Variants in ZFAND3 observed in about 807,000 individuals in gnomAD.
The protein encoded by ZFAND3 is zinc finger AN1-type containing 3.
ZFAND3 carries 10 observed loss-of-function variants against 29.6 expected under a neutral mutation model. The observed-to-expected ratio is 0.34, with a 90% CI of 0.21 to 0.57. The LOEUF is 0.57. Among genes scored for constraint, ZFAND3 ranks in the 20% least tolerant of loss-of-function variants. The pLI is 0.86. For missense variants in ZFAND3, 230 were observed against 304.5 expected, an observed-to-expected ratio of 0.76 and a Z score of 1.82; for synonymous variants, 128 against 112.6, an observed-to-expected ratio of 1.14 and a Z score of -0.87.
At chr6:38,075,096 C>T (rs1381947372) in intron 3 of ZFAND3, among the ~76,000 whole-genome samples, 1 of 152,156 alleles carries the variant, frequency 6.6e-6, no homozygotes, top group Non-Finnish European at 1.5e-5. Flanking sequence ...GTTTCCATGC[C>T]TGGTAACACA....
Position 38,028,622 on chromosome 6 carries a change from TGACC to T in ZFAND3, c.113-32970_113-32967del, listed in dbSNP as rs1293906474. Among the ~76,000 whole-genome samples the T allele has an allele frequency of 7.9e-4, 120 of 152,350 alleles. 1 individual carries two copies. The East Asian group carries it at 0.018, about 23-fold the overall frequency. Reference sequence around the variant, plus strand: ...TGTCCCATTGCGACTAAAGTCTGCCTGACCTAGGGTACTATTGTAGTAAAGAATC... The same window carrying T: ...TGTCCCATTGCGACTAAAGTCTGCCTTAGGGTACTATTGTAGTAAAGAATC... On this transcript the variant is annotated intron_variant, in intron 2 of 5. Transcript: ENST00000287218.
rs115901391 is a variant in ZFAND3 at position 37,835,808 on chromosome 6, C to T, written c.71+15792C>T. Among the ~76,000 whole-genome samples the T allele has an allele frequency of 3.1e-3, 474 of 152,178 alleles. 2 individuals are homozygous for T. Among genetic ancestry groups the T allele is most frequent in the African/African-American group, 0.011 (444 of 41,502 alleles). On this transcript the variant is annotated intron_variant, in intron 1 of 5. Transcript: ENST00000287218. ...GAACCACCTCAGTTTTTTCAGTTAA[C>T]GTATCTTGGAATTCTTTCCAAATGA...
intron 3 of ZFAND3, among the ~76,000 whole-genome samples, chr6:38,064,745 C>T (rs1405185098): frequency 6.9e-6 from 1 of 145,576 alleles, no homozygotes; most frequent in East Asian, 2.0e-4. Context: ...CGTTTCCTTT[C>T]TCTCTCTTCT....
chr6:37,959,910 G>A (rs1476902014), intron 2 of ZFAND3, among the ~76,000 whole-genome samples: 1 of 152,178 alleles, frequency 6.6e-6, no homozygotes, highest in Non-Finnish European at 1.5e-5. Flanking sequence ...AGTTGTATTT[G>A]TTCAAAAGAT....
At chr6:37,950,734 G>T (rs1470161323) in intron 2 of ZFAND3, among the ~76,000 whole-genome samples, 2 of 152,116 alleles carry the variant, frequency 1.3e-5, no homozygotes, top group African/African-American at 2.4e-5. Context: ...TCTCTAACCT[G>T]TTCCGTTGGT....
intron 4 of ZFAND3, among the ~76,000 whole-genome samples, chr6:38,105,133 GC>G (rs1450049871): frequency 6.6e-6 from 1 of 152,158 alleles, no homozygotes; most frequent in African/African-American, 2.4e-5. Context: ...TTTAGAAGGT[GC>G]TGATAAAGAA....
chr6:38,070,617 A>C (rs993329461), intron 3 of ZFAND3, among the ~76,000 whole-genome samples: 2 of 151,920 alleles, frequency 1.3e-5, no homozygotes, highest in African/African-American at 2.4e-5. Context: ...TTAATATTTC[A>C]CTATTATGAG....
At position 38,152,999 on chromosome 6, in the gene ZFAND3, G is replaced by A; in HGVS notation, c.*610G>A. 2.0e-6 allele frequency: 2 copies of A among 985,836 alleles called. No individual in the cohort carries two copies. The highest frequency in any genetic ancestry group is 2.4e-6 in the Non-Finnish European group (2 of 829,952). The allele number at this position is 985,836 out of a possible 1,614,324, so 61.1% of individuals were successfully genotyped here. The stretch of plus-strand genomic sequence containing the variant: ...TTACGGAAATTTTTTTACCTGACTT[G>A]CTATGAAAAAACTCATCACACAAGA... On this transcript the variant is annotated 3_prime_UTR_variant, in exon 6 of 6. Transcript: ENST00000287218.
chr6:38,147,586 G>A (rs1459389084), intron 5 of ZFAND3, among the ~76,000 whole-genome samples: 1 of 152,162 alleles, frequency 6.6e-6, no homozygotes, highest in African/African-American at 2.4e-5. Flanking sequence ...GGCTTTCCTA[G>A]TTGACATTCC....
At chr6:37,874,587 A>C (rs1764759253) in intron 1 of ZFAND3, among the ~76,000 whole-genome samples, 1 of 152,070 alleles carries the variant, frequency 6.6e-6, no homozygotes, top group African/African-American at 2.4e-5. Flanking sequence ...GCCCACCCTA[A>C]TGATCTCATT....
chr6:37,884,145 T>C (rs1031335881), intron 1 of ZFAND3, among the ~76,000 whole-genome samples: 1 of 145,238 alleles, frequency 6.9e-6, no homozygotes, highest in Non-Finnish European at 1.5e-5. Context: ...TAATCAGGGC[T>C]TTACAAGTGA....
At chr6:37,920,308 ATTGT>A (rs1432284986) in intron 1 of ZFAND3, among the ~76,000 whole-genome samples, 3 of 147,748 alleles carry the variant, frequency 2.0e-5, no homozygotes, top group Admixed American at 6.7e-5. Flanking sequence ...AATTCACTTC[ATTGT>A]TTTTTTTTTT....
At chr6:37,923,900 A>G (rs1186951644) in intron 1 of ZFAND3, among the ~76,000 whole-genome samples, 2 of 152,240 alleles carry the variant, frequency 1.3e-5, no homozygotes, top group Non-Finnish European at 2.9e-5. Flanking sequence ...CTGTAAATAT[A>G]ATAAATTCTG....
intron 4 of ZFAND3, among the ~76,000 whole-genome samples, chr6:38,099,920 T>C (rs1765060269): frequency 6.6e-6 from 1 of 152,246 alleles, no homozygotes; most frequent in South Asian, 2.1e-4. Context: ...GGGAGAGAAC[T>C]CATGTAGTAC....
At chr6:37,923,078 G>A (rs2127409755) in intron 1 of ZFAND3, among the ~76,000 whole-genome samples, 1 of 152,120 alleles carries the variant, frequency 6.6e-6, no homozygotes, top group South Asian at 2.1e-4. Context: ...ACATTGTATA[G>A]TTACACAGAA....
intron 2 of ZFAND3, among the ~76,000 whole-genome samples, chr6:38,060,142 T>C (rs192486502): frequency 7.9e-5 from 12 of 152,250 alleles, no homozygotes; most frequent in African/African-American, 2.9e-4. Context: ...AGGACCAGTA[T>C]TTAATATACG....
At chr6:37,996,351 C>T (rs1359477978) in intron 2 of ZFAND3, among the ~76,000 whole-genome samples, 1 of 152,108 alleles carries the variant, frequency 6.6e-6, no homozygotes, top group African/African-American at 2.4e-5. Flanking sequence ...ATTTATCATA[C>T]ACTTGTTATG....
intron 2 of ZFAND3, among the ~76,000 whole-genome samples, chr6:38,046,073 C>G (rs1045366997): frequency 1.3e-5 from 2 of 152,122 alleles, no homozygotes; most frequent in East Asian, 3.8e-4. Flanking sequence ...AAATAAGTAC[C>G]GGTGATGATG....
intron 2 of ZFAND3, among the ~76,000 whole-genome samples, chr6:38,039,721 A>G (rs1407155088): frequency 6.6e-6 from 1 of 152,148 alleles, no homozygotes; most frequent in East Asian, 1.9e-4. Context: ...GAGTCATGAT[A>G]TTGGTTGTGT....
Sources: gnomAD v4.1 joint callset for allele counts (sites outside exome capture counted in the v4.1 genomes callset) on GRCh38, gnomAD v4.1.1 for gene constraint, MANE v1.5 for transcripts, NCBI Gene and HGNC (gene_info 2026-07-23, HGNC 2026-07-21) for gene names.